RBM39: variants seen among roughly 807,000 people sequenced by gnomAD.
RBM39 encodes the protein RNA binding motif protein 39, also known as RNA-binding protein 39.
A neutral mutation model predicts 79.6 loss-of-function variants in RBM39; 12 were observed. The ratio of observed to expected loss-of-function variants is 0.15; its 90% confidence interval spans 0.10 to 0.24. The LOEUF (loss-of-function observed/expected upper bound fraction) is 0.24. RBM39 is among the 10% of genes least tolerant of loss of function. The pLI, the probability that RBM39 is intolerant of heterozygous loss-of-function variation, is 1.00. For synonymous variants in RBM39, 185 were observed against 208.4 expected (o/e 0.89, Z 0.97); for missense variants, 243 against 653.4 (o/e 0.37, Z 6.85).
chr20:35,739,213 T>C (rs750310197), intron 2 of RBM39, 196 bp from the exon 3 acceptor site: 1 of 617,382 alleles, frequency 1.6e-6, no homozygotes, highest in Non-Finnish European at 2.9e-6. Context: ...ATTTAAGTCA[T>C]CAAGATACAA....
chr20:35,712,820 A>G (rs924674523), intron 12 of RBM39, among the ~76,000 whole-genome samples, 199 bp downstream of exon 12: 1 of 152,142 alleles, frequency 6.6e-6, no homozygotes, highest in African/African-American at 2.4e-5. Flanking sequence ...CAGGGTTTAA[A>G]ACTGTCCTGA....
intron 13 of RBM39, among the ~76,000 whole-genome samples, chr20:35,708,528 G>A (rs1217574595): frequency 6.6e-6 from 1 of 152,090 alleles, no homozygotes; most frequent in African/African-American, 2.4e-5. Context: ...CATCTTGTTT[G>A]TGAAAAAATT....
Position 35,732,104 on chromosome 20 carries a change from GACT to G in RBM39, c.130_132del (p.Ser44del). On this transcript the variant is annotated inframe_deletion, in exon 4 of 17. Transcript: ENST00000253363. ...TTACTTTTGCTTCTCTTTCGTTCATGACTACGACTTCTGCTCTTGCTTTTTTTC... is the reference window on the plus strand; with the variant it reads ...TTACTTTTGCTTCTCTTTCGTTCATGACGACTTCTGCTCTTGCTTTTTTTC... 6.2e-7 allele frequency: 1 copy of G among 1,613,698 alleles called. No individual in the cohort carries two copies.
At chr20:35,723,155 A>G (rs932302481) in intron 8 of RBM39, among the ~76,000 whole-genome samples, 2 of 151,932 alleles carry the variant, frequency 1.3e-5, no homozygotes, top group African/African-American at 4.8e-5. Flanking sequence ...TAAGGTGTAT[A>G]TGCCATAACA....
chr20:35,722,440 A>T (rs1283282650), intron 8 of RBM39, among the ~76,000 whole-genome samples: 1 of 134,166 alleles, frequency 7.5e-6, no homozygotes, highest in African/African-American at 2.8e-5. Flanking sequence ...AAATAAAAAT[A>T]AAAAGTTTAT....
chr20:35,716,854 C>T, intron 9 of RBM39, 49 bp from the exon 10 acceptor site: 1 of 1,262,908 alleles, frequency 7.9e-7, no homozygotes, highest in Non-Finnish European at 1.1e-6. Context: ...GAGTACAAAA[C>T]TACTTTCTTC....
At chr20:35,728,719 G>C (rs188042512) in intron 6 of RBM39, among the ~76,000 whole-genome samples, 150 of 152,216 alleles carry the variant, frequency 9.9e-4, no homozygotes, top group Non-Finnish European at 1.9e-3. Context: ...AGAGGTTGCA[G>C]TGAGCCGAGA....
Position 35,729,448 on chromosome 20 carries a change from G to T in RBM39, c.362+14C>A, listed in dbSNP as rs1014545325. 6.2e-7 allele frequency: 1 copy of T among 1,612,038 alleles called. No individual in the cohort carries two copies. Among genetic ancestry groups the T allele is most frequent in the African/African-American group, 1.3e-5 (1 of 74,954 alleles). On this transcript the variant is annotated intron_variant, in intron 5 of 16. Transcript: ENST00000253363. Reference sequence around the variant, plus strand: ...GAAAAACAATTTAAACAATTCAGAAGTATGTTTAAAAACCTTAATTTGATG... The same window carrying T: ...GAAAAACAATTTAAACAATTCAGAATTATGTTTAAAAACCTTAATTTGATG...
rs971732947 is a variant in RBM39, at chr20:35,716,679, A to G, written c.891+61T>C. ...GGAGCTAGAGACTAATCTGAGCAAC[A>G]CAGCAAATGTAGTTTAAAAAAAAAA... On this transcript the variant is annotated intron_variant, in intron 10 of 16. Transcript: ENST00000253363. 3 of 1,038,532 alleles carry G rather than the reference A, an allele frequency of 2.9e-6. No homozygotes were observed. The African/African-American group carries it at 4.9e-5, about 17-fold the overall frequency. The allele number at this position is 1,038,532 out of a possible 1,614,324, so 64.3% of individuals were successfully genotyped here. A position where few individuals can be genotyped will look rare whatever the true frequency, so the allele number is the denominator to read the frequency against.
Position 35,704,425 on chromosome 20 carries a change from A to C in RBM39, c.*56T>G. 1 of 1,224,452 alleles carries C rather than the reference A, an allele frequency of 8.2e-7. No individual in the cohort carries two copies. Among genetic ancestry groups the C allele is most frequent in the Non-Finnish European group, 1.2e-6 (1 of 858,030 alleles). The allele number at this position is 1,224,452 out of a possible 1,614,324, so 75.8% of individuals were successfully genotyped here. ...TTTTTATCTAAATAAAAGATAACTCAAGATGAATTCTCAAGAAAGAAAAAA... is the reference window on the plus strand; with the variant it reads ...TTTTTATCTAAATAAAAGATAACTCCAGATGAATTCTCAAGAAAGAAAAAA... On this transcript the variant is annotated 3_prime_UTR_variant, in exon 17 of 17. Coordinates refer to ENST00000253363, the MANE Select transcript of RBM39 (RefSeq NM_184234.3).
At chr20:35,737,452 C>T (rs1275769927) in intron 3 of RBM39, among the ~76,000 whole-genome samples, 3 of 149,330 alleles carry the variant, frequency 2.0e-5, no homozygotes, top group African/African-American at 7.4e-5. Context: ...CCCAGCTACT[C>T]GGGAGGCTGA....
At chr20:35,731,313 T>G (rs866042566) in intron 4 of RBM39, 1 of 152,440 alleles carries the variant, frequency 6.6e-6, no homozygotes. Flanking sequence ...TGTTTCCAAC[T>G]TTAAATATCC....
intron 14 of RBM39, among the ~76,000 whole-genome samples, chr20:35,706,535 G>T (rs1227415009): frequency 6.6e-6 from 1 of 150,766 alleles, no homozygotes; most frequent in Non-Finnish European, 1.5e-5. Context: ...ATTTTGATTG[G>T]ATGTACTATA....
intron 9 of RBM39, chr20:35,719,991 CA>C: frequency 3.6e-6 from 1 of 279,690 alleles, no homozygotes; most frequent in South Asian, 2.7e-5. Context: ...CCACGTTGGC[CA>C]AGCTGGTCTC....
intron 3 of RBM39, among the ~76,000 whole-genome samples, chr20:35,736,970 G>A (rs1029971580): frequency 6.6e-5 from 10 of 150,910 alleles, no homozygotes; most frequent in Non-Finnish European, 1.2e-4. Flanking sequence ...TTTTTAAGAC[G>A]GAGTCTCAGT....
chr20:35,740,683 CT>C, intron 2 of RBM39, 140 bp downstream of exon 2: 3 of 1,313,622 alleles, frequency 2.3e-6, no homozygotes, highest in Middle Eastern at 1.9e-4. Context: ...CATATATTTA[CT>C]TTTGTAAGTT....
At chr20:35,727,919 G>A (rs534164499) in intron 6 of RBM39, among the ~76,000 whole-genome samples, 1 of 152,052 alleles carries the variant, frequency 6.6e-6, no homozygotes, top group Non-Finnish European at 1.5e-5. Context: ...AGAGTGCTGG[G>A]ATTACAGGCG....
chr20:35,712,158 GT>G (rs1485887575), intron 12 of RBM39, among the ~76,000 whole-genome samples: 1 of 152,068 alleles, frequency 6.6e-6, no homozygotes, highest in Admixed American at 6.6e-5. Context: ...TTGGGTCAAT[GT>G]AAAAGTTACA....
At chr20:35,708,191 C>T (rs916997361) in intron 13 of RBM39, among the ~76,000 whole-genome samples, 3 of 151,332 alleles carry the variant, frequency 2.0e-5, no homozygotes, top group African/African-American at 7.3e-5. Flanking sequence ...TTAAATAAAA[C>T]AAAATTTTAA....
Sources: gnomAD v4.1 joint callset for allele counts (sites outside exome capture counted in the v4.1 genomes callset) on GRCh38, gnomAD v4.1.1 for gene constraint, MANE v1.5 for transcripts, NCBI Gene and HGNC (gene_info 2026-07-23, HGNC 2026-07-21) for gene names.